NAV3: variants seen among roughly 807,000 people sequenced by gnomAD.
The protein encoded by NAV3 is pore membrane and/or filament interacting like protein 1.
NAV3 carries 87 observed loss-of-function variants against 244.7 expected under a neutral mutation model. The observed-to-expected ratio is 0.36, with a 90% CI of 0.30 to 0.42. The LOEUF (loss-of-function observed/expected upper bound fraction) is 0.42, where lower values mean the gene tolerates loss of function less well. Ranked by LOEUF, NAV3 falls within the 20% of genes least tolerant of loss-of-function variation. The pLI is 1.00. For missense variants in NAV3, 2,663 were observed against 2,893.3 expected (o/e 0.92, Z 1.83); for synonymous variants, 1,126 against 1,042.2 (o/e 1.08, Z -1.55).
chr12:78,052,803 C>T (rs1209503857), intron 11 of NAV3, among the ~76,000 whole-genome samples: 7 of 151,868 alleles, frequency 4.6e-5, no homozygotes, highest in Non-Finnish European at 1.0e-4. Flanking sequence ...CCCCTCTTCT[C>T]TTTTTTTTCT....
intron 2 of NAV3, among the ~76,000 whole-genome samples, chr12:77,823,577 C>T (rs1872836149): frequency 6.6e-6 from 1 of 152,198 alleles, no homozygotes; most frequent in Admixed American, 6.5e-5. Flanking sequence ...AAAATTAGCT[C>T]TAGGCAATCA....
chr12:77,624,543 A>G (rs1871528543), intron 2 of NAV3, among the ~76,000 whole-genome samples: 2 of 151,962 alleles, frequency 1.3e-5, no homozygotes, highest in African/African-American at 4.8e-5. Context: ...GGCTAGTACC[A>G]TAGTCTATGA....
At chr12:77,877,450 A>G (rs1251264363) in intron 1 of NAV3, among the ~76,000 whole-genome samples, 1 of 152,158 alleles carries the variant, frequency 6.6e-6, no homozygotes, top group Non-Finnish European at 1.5e-5. Context: ...TTCATGTCAA[A>G]AATTCATTTT....
chr12:77,750,516 C>T (rs1378117613), intron 2 of NAV3, among the ~76,000 whole-genome samples: 2 of 151,598 alleles, frequency 1.3e-5, no homozygotes, highest in Non-Finnish European at 2.9e-5. Flanking sequence ...GCACTCCAAC[C>T]TGAGCAATAG....
intron 2 of NAV3, among the ~76,000 whole-genome samples, chr12:77,593,070 T>C (rs1869982483): frequency 6.6e-6 from 1 of 152,094 alleles, no homozygotes; most frequent in African/African-American, 2.4e-5. Flanking sequence ...ACAACCCTGC[T>C]TTTTTCCAGC....
chr12:77,891,013 CT>C (rs1184188632), intron 1 of NAV3, among the ~76,000 whole-genome samples: 5 of 150,678 alleles, frequency 3.3e-5, no homozygotes, highest in African/African-American at 7.3e-5. Flanking sequence ...ATTTTCCATC[CT>C]TTTTTTTTAA....
chr12:77,741,146 G>GCCAAAAAAAAAAAAAAAAAAAAA (rs1868321359), intron 2 of NAV3, among the ~76,000 whole-genome samples: 5 of 7,370 alleles, frequency 6.8e-4, no homozygotes, highest in African/African-American at 2.2e-3. Context: ...AAAAAAAAAA[G>GCCAAAAAAAAAAAAAAAAAAAAA]ACAAAAAAAA....
chr12:77,613,400 A>G (rs1871007782), intron 2 of NAV3, among the ~76,000 whole-genome samples: 1 of 152,192 alleles, frequency 6.6e-6, no homozygotes, highest in Admixed American at 6.6e-5. Flanking sequence ...GCAGTGAAGA[A>G]AGAGGTATGG....
chr12:77,804,322 G>C (rs932793773), intron 2 of NAV3, among the ~76,000 whole-genome samples: 2 of 152,190 alleles, frequency 1.3e-5, no homozygotes, highest in African/African-American at 4.8e-5. Context: ...AGTTAATTTT[G>C]TATAAGGTGT....
intron 5 of NAV3, among the ~76,000 whole-genome samples, chr12:77,987,379 A>C (rs1237340224): frequency 6.6e-6 from 1 of 152,216 alleles, no homozygotes; most frequent in East Asian, 1.9e-4. Flanking sequence ...CTTAATTTTC[A>C]TATTTGTCAG....
chr12:77,613,604 A>AGCCAGTAT (rs1871019319), intron 2 of NAV3, among the ~76,000 whole-genome samples: 1 of 152,172 alleles, frequency 6.6e-6, no homozygotes, highest in South Asian at 2.1e-4. Flanking sequence ...TATTCAAGGC[A>AGCCAGTAT]GCCAGTATTC....
intron 1 of NAV3, among the ~76,000 whole-genome samples, chr12:77,931,852 G>C (rs1173605235): frequency 6.6e-6 from 1 of 151,966 alleles, no homozygotes; most frequent in Non-Finnish European, 1.5e-5. Context: ...GGGTGACAGA[G>C]CAAGACTCCA....
In NAV3 at chr12:78,081,694, G is replaced by A. The variant is rs570107490; in HGVS notation, c.2636+22579G>A. 5.9e-5 allele frequency among the ~76,000 whole-genome samples: 9 copies of A among 152,226 alleles called. No individual in the cohort carries two copies. In the East Asian group the frequency reaches 1.2e-3, roughly 20 times the overall value. On this transcript the variant is annotated intron_variant, in intron 12 of 39. Transcript: ENST00000397909. Reference sequence around the variant, plus strand: ...TATGCTGTTCTTTCTCTGTGGAAACGAAGTTTCTCCCTTTTCAAAGTTAAG... The same window carrying A: ...TATGCTGTTCTTTCTCTGTGGAAACAAAGTTTCTCCCTTTTCAAAGTTAAG...
rs148741706 is a variant in NAV3, at chr12:77,940,756, A to G, written c.361+320A>G. On this transcript the variant is annotated intron_variant, in intron 2 of 39. Coordinates refer to ENST00000397909, the MANE Select transcript of NAV3 (RefSeq NM_001024383.2). ...TGTATTTCGTTAGCTGGAGCAACTC[A>G]TACACTCTGAGATGCCTTGAAACTG... Among the ~76,000 whole-genome samples, 165 of 152,324 alleles carry G rather than the reference A, an allele frequency of 1.1e-3. 3 individuals are homozygous for G. The highest frequency in any genetic ancestry group is 8.2e-3 in the Admixed American group (126 of 15,292).
intron 9 of NAV3, among the ~76,000 whole-genome samples, chr12:78,028,618 C>T (rs1593319539): frequency 2.0e-5 from 3 of 152,196 alleles, no homozygotes; most frequent in Admixed American, 6.5e-5. Flanking sequence ...AGCTTGCATC[C>T]CTGCTGTTTT....
intron 2 of NAV3, among the ~76,000 whole-genome samples, chr12:77,771,709 A>G (rs182603244): frequency 1.3e-3 from 202 of 152,250 alleles, no homozygotes; most frequent in African/African-American, 4.7e-3. Context: ...TGGGAATTGA[A>G]CAATGAGAAC....
At chr12:77,956,558 T>C (rs539251427) in intron 3 of NAV3, among the ~76,000 whole-genome samples, 19 of 152,254 alleles carry the variant, frequency 1.2e-4, no homozygotes, top group African/African-American at 4.3e-4. Flanking sequence ...GGCAACACAG[T>C]GTTTTAAATC....
chr12:78,041,768 C>T (rs1488410026), intron 9 of NAV3, among the ~76,000 whole-genome samples: 1 of 152,074 alleles, frequency 6.6e-6, no homozygotes, highest in African/African-American at 2.4e-5. Flanking sequence ...TAAAGGGGCA[C>T]ATTTGTTATA....
rs926606075 is a variant in NAV3 at position 77,851,068 on chromosome 12, T to G, written c.243+19364T>G. Among the ~76,000 whole-genome samples, 13 of 152,234 alleles carry G rather than the reference T, an allele frequency of 8.5e-5. No homozygotes were observed. The South Asian group carries it at 1.9e-3, about 22-fold the overall frequency. The stretch of plus-strand genomic sequence containing the variant: ...ATATCTACCTAACTGTGTCTTATCA[T>G]TTTTCCTCTGCTGTGGCTATTCCAT... On this transcript the variant is annotated intron_variant, in intron 1 of 39. Transcript: ENST00000397909.
Sources: gnomAD v4.1 joint callset for allele counts (sites outside exome capture counted in the v4.1 genomes callset) on GRCh38, gnomAD v4.1.1 for gene constraint, MANE v1.5 for transcripts, NCBI Gene and HGNC (gene_info 2026-07-23, HGNC 2026-07-21) for gene names.